The following USP15 variants were observed in gnomAD, a reference collection of about 807,000 sequenced individuals.
The protein encoded by USP15 is ubiquitin carboxyl-terminal hydrolase 15.
In USP15, 18 loss-of-function variants were observed where a neutral mutation model predicts 127.1. The ratio of observed to expected loss-of-function variants is 0.14; its 90% CI spans 0.10 to 0.21. The LOEUF (loss-of-function observed/expected upper bound fraction) is 0.21, where lower values mean the gene tolerates loss of function less well. Among genes scored for constraint, USP15 ranks in the 10% least tolerant of loss-of-function variants. The pLI, the probability that USP15 is intolerant of heterozygous loss-of-function variation, is 1.00. For missense variants in USP15, 805 were observed against 1,159.9 expected, an observed-to-expected ratio of 0.69 and a Z score of 4.44; for synonymous variants, 364 against 393.7, an observed-to-expected ratio of 0.92 and a Z score of 0.89.
At chr12:62,322,508 T>G (rs1565853207) in intron 5 of USP15, among the ~76,000 whole-genome samples, 2 of 151,882 alleles carry the variant, frequency 1.3e-5, no homozygotes, top group African/African-American at 4.8e-5. Context: ...GATTCTATCT[T>G]CTAACTGTGT....
At chr12:62,321,133 A>G (rs2064975534) in intron 4 of USP15, among the ~76,000 whole-genome samples, 1 of 152,144 alleles carries the variant, frequency 6.6e-6, no homozygotes, top group South Asian at 2.1e-4. Context: ...TAATTCCTAC[A>G]TCTCCTCAGA....
At position 62,398,593 on chromosome 12, in the gene USP15, G is replaced by T. The variant is rs144285673; in HGVS notation, c.2674+2195G>T. Among the ~76,000 whole-genome samples, 59 of 152,236 alleles carry T rather than the reference G, an allele frequency of 3.9e-4. No homozygotes were observed. In the East Asian group the frequency reaches 9.7e-3, roughly 25 times the overall value. On this transcript the variant is annotated intron_variant, in intron 20 of 21. Transcript: ENST00000280377. ...ATCATATGCTTAGTTTTCAAATGTA[G>T]AGAGTTTTGTCACTTCATTCTTACC... is the stretch of plus-strand genomic sequence containing the variant.
intron 1 of USP15, among the ~76,000 whole-genome samples, chr12:62,272,800 T>G (rs2063373643): frequency 2.6e-5 from 4 of 152,060 alleles, no homozygotes; most frequent in Non-Finnish European, 4.4e-5. Flanking sequence ...CTTCAGAATA[T>G]TTAGCACCAT....
intron 7 of USP15, among the ~76,000 whole-genome samples, chr12:62,351,094 C>T (rs2065953357): frequency 6.6e-6 from 1 of 151,846 alleles, no homozygotes; most frequent in Admixed American, 6.6e-5. Context: ...ATAATTTTTT[C>T]TAGCAAAATT....
At chr12:62,394,663 C>T (rs1223606471) in intron 19 of USP15, among the ~76,000 whole-genome samples, 2 of 152,022 alleles carry the variant, frequency 1.3e-5, no homozygotes, top group South Asian at 2.1e-4. Context: ...TCCTAGCCAA[C>T]GTGGTGAAAC....
rs1471918786 is a variant in USP15 at position 62,408,127 on chromosome 12, G to A, written c.*3752G>A. 1.3e-5 allele frequency: 2 copies of A among 152,036 alleles called. No individual in the cohort carries two copies. The highest frequency in any genetic ancestry group is 2.9e-5 in the Non-Finnish European group (2 of 68,004). The allele number at this position is 152,036 out of a possible 1,614,324, so 9.4% of individuals were successfully genotyped here. ...GTTTATCTTATAAAATAAGCCGGGA[G>A]ACTGAAATGGAGTCTCCTTCAGTGG... On this transcript the variant is annotated 3_prime_UTR_variant, in exon 22 of 22. Coordinates refer to ENST00000280377, the MANE Select transcript of USP15 (RefSeq NM_001252078.2).
intron 1 of USP15, among the ~76,000 whole-genome samples, chr12:62,265,380 C>T (rs1348788826): frequency 6.6e-6 from 1 of 152,130 alleles, no homozygotes; most frequent in East Asian, 1.9e-4. Flanking sequence ...TTACTCATCA[C>T]CATATTACCA....
At chr12:62,341,459 G>T (rs1013987057) in intron 6 of USP15, among the ~76,000 whole-genome samples, 1 of 152,146 alleles carries the variant, frequency 6.6e-6, no homozygotes, top group Non-Finnish European at 1.5e-5. Context: ...AGTTGATGCA[G>T]TTTCTTCATA....
chr12:62,273,388 C>G lies in USP15; in HGVS notation c.89+12885C>G, dbSNP rs138725599. On this transcript the variant is annotated intron_variant, in intron 1 of 21. Transcript: ENST00000280377. ...CCACTGGACTCTTGAACAAAGGGAC[C>G]TTGGCTGTTTTGCCAACCACTTTAT... is the stretch of plus-strand genomic sequence containing the variant. Among the ~76,000 whole-genome samples, 117 of 152,062 alleles carry G rather than the reference C, an allele frequency of 7.7e-4. No individual in the cohort carries two copies. The East Asian group carries it at 0.021, about 28-fold the overall frequency.
At chr12:62,321,871 T>G (rs2064994766) in intron 5 of USP15, among the ~76,000 whole-genome samples, 1 of 152,168 alleles carries the variant, frequency 6.6e-6, no homozygotes, top group Non-Finnish European at 1.5e-5. Context: ...CAGCAAACTT[T>G]CTGTGAAAGA....
intron 8 of USP15, among the ~76,000 whole-genome samples, chr12:62,357,195 G>A (rs2066158238): frequency 6.6e-6 from 1 of 152,014 alleles, no homozygotes; most frequent in African/African-American, 2.4e-5. Flanking sequence ...GGAGGCTTGG[G>A]CCAGCATTCA....
chr12:62,400,909 A>G (rs998888420), intron 20 of USP15, among the ~76,000 whole-genome samples: 5 of 152,128 alleles, frequency 3.3e-5, no homozygotes, highest in Non-Finnish European at 7.4e-5. Context: ...ATGAATGTTA[A>G]TTACCATTTA....
chr12:62,407,603 A>G lies in USP15; in HGVS notation c.*3228A>G, dbSNP rs1319128514. 6.6e-6 allele frequency: 1 copy of G among 152,200 alleles called. No homozygotes were observed. Among genetic ancestry groups the G allele is most frequent in the Non-Finnish European group, 1.5e-5 (1 of 68,038 alleles). The allele number at this position is 152,200 out of a possible 1,614,324, so 9.4% of individuals were successfully genotyped here. On this transcript the variant is annotated 3_prime_UTR_variant, in exon 22 of 22. Coordinates refer to ENST00000280377, the MANE Select transcript of USP15 (RefSeq NM_001252078.2). ...ATTTAATTTATATACCTTTATTACAATTTTAATTAAATGGTAAATACAATG... is the reference window on the plus strand; with the variant it reads ...ATTTAATTTATATACCTTTATTACAGTTTTAATTAAATGGTAAATACAATG...
rs770117959 is a variant in USP15, at chr12:62,381,701, A to G, written c.1089+38A>G. 2.5e-6 allele frequency: 4 copies of G among 1,578,688 alleles called. No homozygotes were observed. The African/African-American group carries it at 4.1e-5, about 16-fold the overall frequency. On this transcript the variant is annotated intron_variant, in intron 9 of 21. Transcript: ENST00000280377. ...AATGCATTTTAGCAAGGGTACCTGC[A>G]AGGGTACAAAAGTTGGTTCTTGGGG...
At chr12:62,330,787 A>G (rs1412606531) in intron 6 of USP15, among the ~76,000 whole-genome samples, 1 of 151,426 alleles carries the variant, frequency 6.6e-6, no homozygotes, top group Non-Finnish European at 1.5e-5. Context: ...TTAGCCAGTT[A>G]TGGTGGCATG....
At chr12:62,386,748 A>C (rs1240799773) in intron 11 of USP15, among the ~76,000 whole-genome samples, 1 of 152,134 alleles carries the variant, frequency 6.6e-6, no homozygotes, top group Non-Finnish European at 1.5e-5. Flanking sequence ...AAGCCATTAA[A>C]GACTATTAAG....
chr12:62,296,470 A>G (rs2064131370), intron 2 of USP15, among the ~76,000 whole-genome samples: 1 of 152,244 alleles, frequency 6.6e-6, no homozygotes, highest in Non-Finnish European at 1.5e-5. Flanking sequence ...TCAGGGATAG[A>G]AAAGGTCACT....
intron 3 of USP15, among the ~76,000 whole-genome samples, chr12:62,303,861 C>T (rs561766231): frequency 2.0e-5 from 3 of 151,668 alleles, no homozygotes; most frequent in Admixed American, 6.6e-5. Flanking sequence ...TTTCACTCAG[C>T]CACTTCAAAA....
chr12:62,340,710 G>T (rs1035995859), intron 6 of USP15, among the ~76,000 whole-genome samples: 1 of 152,168 alleles, frequency 6.6e-6, no homozygotes, highest in African/African-American at 2.4e-5. Context: ...TTCTTATCCT[G>T]AGTTCTTACT....
Sources: gnomAD v4.1 joint callset for allele counts (sites outside exome capture counted in the v4.1 genomes callset) on GRCh38, gnomAD v4.1.1 for gene constraint, MANE v1.5 for transcripts, NCBI Gene and HGNC (gene_info 2026-07-23, HGNC 2026-07-21) for gene names.